The following SETX variants were observed in gnomAD, a reference collection of about 807,000 sequenced individuals.
SETX encodes helicase senataxin.
A neutral mutation model predicts 227.2 loss-of-function variants in SETX; 90 were observed. That is an observed-to-expected ratio of 0.40 (90% CI 0.33 to 0.47). The LOEUF (loss-of-function observed/expected upper bound fraction) is 0.47. Ranked by LOEUF, SETX falls within the 20% of genes least tolerant of loss-of-function variation. The probability of loss-of-function intolerance (pLI) is 0.91; values close to 1 mark genes in which losing one functional copy is unlikely to be tolerated. For missense variants in SETX, 3,052 were observed against 3,181.5 expected (o/e 0.96, Z 0.98); for synonymous variants, 1,210 against 1,113.2 (o/e 1.09, Z -1.73).
Position 132,298,291 on chromosome 9 carries a change from C to A in SETX, c.5570G>T (p.Cys1857Phe). 1 of 1,614,008 alleles carries A rather than the reference C, an allele frequency of 6.2e-7. No homozygotes were observed. The highest frequency in any genetic ancestry group is 8.5e-7 in the Non-Finnish European group (1 of 1,179,896). ...TSVMRNGKTE[C>F]YLSIQTQENF... ...CTCTTGAGTCTGGATGGAAAGGTAA[C>A]ACTCAGTTTTCCCATTACGCACTAT... The change falls in exon 13 of 26, where the codon TGT becomes TTT. Residue 1857 changes from cysteine to phenylalanine, a missense_variant. Transcript: ENST00000224140.
rs751594420 is a variant in SETX at position 132,329,017 on chromosome 9, T to G, written c.2581A>C (p.Asn861His). 5.0e-6 allele frequency: 8 copies of G among 1,607,228 alleles called. No homozygotes were observed. The East Asian group carries it at 1.8e-4, about 36-fold the overall frequency. ...DKNGEQKSQN[N>H]VLPKEKQLKN... ...AATTGTTTCTCTTTTGGCAATACAT[T>G]GTTTTGAGATTTTTGTTCTCCATTC... is the stretch of plus-strand genomic sequence containing the variant. Residue 861 changes from asparagine (N) to histidine (H), a missense_variant, in exon 10 of 26, where the codon AAT (asparagine) becomes CAT (histidine). Transcript: ENST00000224140.
rs751603620 is a variant in SETX at position 132,327,802 on chromosome 9, G to C, written c.3796C>G (p.Pro1266Ala). 1 of 1,614,048 alleles carries C rather than the reference G, an allele frequency of 6.2e-7. No individual in the cohort carries two copies. The highest frequency in any genetic ancestry group is 2.2e-5 in the East Asian group (1 of 44,894). ...AATTTCTTTGGCGGCACTATAGCAG[G>C]AGTTGTTCTACAACTTAGGTAATTT... ...SSNYLSCRTT[P>A]AIVPPKKFRQ... Residue 1266 changes from proline (P) to alanine (A), a missense_variant, in exon 10 of 26, where the codon CCT becomes GCT. By Grantham distance (27) the Pro-to-Ala change is conservative. Around this residue, in one of 10 missense-constraint regions of SETX, gnomAD observed 1,483 missense variants for 1,312.0 expected, o/e 1.13. Transcript: ENST00000224140.
intron 5 of SETX, among the ~76,000 whole-genome samples, chr9:132,338,215 C>T (rs1417679502): frequency 6.6e-6 from 1 of 151,818 alleles, no homozygotes; most frequent in Non-Finnish European, 1.5e-5. Flanking sequence ...CCTGAGCCTC[C>T]TAAGTAGCTG....
Position 132,328,988 on chromosome 9 carries a change from C to A in SETX, c.2610G>T (p.Lys870Asn). 6.2e-7 allele frequency: 1 copy of A among 1,606,404 alleles called. No homozygotes were observed. The highest frequency in any genetic ancestry group is 8.5e-7 in the Non-Finnish European group (1 of 1,177,438). The change falls in exon 10 of 26, where the codon AAG becomes AAT. Residue 870 changes from lysine (K) to asparagine (N), a missense_variant. Physicochemically the swap from Lys to Asn is moderately conservative, Grantham distance 94. Around this residue, in one of 10 missense-constraint regions of SETX, gnomAD observed 1,483 missense variants for 1,312.0 expected, o/e 1.13. Transcript: ENST00000224140. Reference sequence around the variant, plus strand: ...AAGAGAAAATAACTAATTCTTCATTCTTTAATTGTTTCTCTTTTGGCAATA... The same window carrying A: ...AAGAGAAAATAACTAATTCTTCATTATTTAATTGTTTCTCTTTTGGCAATA... ...NNVLPKEKQL[K>N]NEELVIFSFH...
chr9:132,326,823 A>C lies in SETX; in HGVS notation c.4775T>G (p.Leu1592Trp). Residue 1592 changes from leucine to tryptophan, a missense_variant, in exon 10 of 26, where the codon TTG (leucine) becomes TGG (tryptophan). Leu to Trp is a moderately conservative substitution (Grantham distance 61). This residue lies in a region of SETX where 1,483 missense variants were observed against 1,312.0 expected (regional missense o/e 1.13). Coordinates refer to ENST00000224140, the MANE Select transcript of SETX (RefSeq NM_015046.7). ...GCTAAAAATCTTAGTGGTAGGTCTCAAAGGTTTAGATGCAGGAGGAGGCAA... is the reference window on the plus strand; with the variant it reads ...GCTAAAAATCTTAGTGGTAGGTCTCCAAGGTTTAGATGCAGGAGGAGGCAA... ...PGLPPPASKP[L>W]RPTTKIFSSK... 6.2e-7 allele frequency: 1 copy of C among 1,614,218 alleles called. No individual in the cohort carries two copies. The highest frequency in any genetic ancestry group is 8.5e-7 in the Non-Finnish European group (1 of 1,180,020).
Position 132,300,625 on chromosome 9 carries a change from C to T in SETX, c.5548+5G>A. ...TTTCCTGTCAATGCCTCATTATTTA[C>T]TTACTGACTGACGTGCGGCGAAATT... On this transcript the variant is annotated splice_donor_5th_base_variant and intron_variant, in intron 12 of 25. Coordinates refer to ENST00000224140, the MANE Select transcript of SETX (RefSeq NM_015046.7). The T allele has an allele frequency of 6.2e-7, 1 of 1,613,340 alleles. No homozygotes were observed.
Position 132,335,139 on chromosome 9 carries a change from C to T in SETX, c.719-412G>A, listed in dbSNP as rs530493441. On this transcript the variant is annotated intron_variant, in intron 6 of 25. Transcript: ENST00000224140. ...GGCGTGGTGGCTCACACCTGTAATCCCAGCACTTTGGGAGGCCAAGGCGGG... is the reference window on the plus strand; with the variant it reads ...GGCGTGGTGGCTCACACCTGTAATCTCAGCACTTTGGGAGGCCAAGGCGGG... Among the ~76,000 whole-genome samples, 53 of 151,984 alleles carry T rather than the reference C, an allele frequency of 3.5e-4. No individual in the cohort carries two copies. In the South Asian group the frequency reaches 0.01, roughly 29 times the overall value.
At chr9:132,350,761 C>T (rs1301911756) in intron 2 of SETX, among the ~76,000 whole-genome samples, 2 of 152,094 alleles carry the variant, frequency 1.3e-5, no homozygotes, top group African/African-American at 4.8e-5. Flanking sequence ...TACATACACA[C>T]AAAAGGACAT....
At chr9:132,353,051 T>G (rs1408492308) in intron 2 of SETX, among the ~76,000 whole-genome samples, 2 of 152,188 alleles carry the variant, frequency 1.3e-5, no homozygotes, top group African/African-American at 4.8e-5. Context: ...CTATTTCTTC[T>G]TTGATCGCCA....
intron 8 of SETX, 53 bp downstream of exon 8, chr9:132,331,224 A>G: frequency 6.2e-7 from 1 of 1,610,702 alleles, no homozygotes; most frequent in South Asian, 1.1e-5. Context: ...ATCTAGCTGG[A>G]ACACACTTTC....
At chr9:132,267,290 G>A (rs1453682352) in intron 25 of SETX, among the ~76,000 whole-genome samples, 1 of 152,206 alleles carries the variant, frequency 6.6e-6, no homozygotes, top group Non-Finnish European at 1.5e-5. Flanking sequence ...CAGGCTCTGG[G>A]GGCTCAGTTC....
At chr9:132,314,371 G>A (rs1291385283) in intron 10 of SETX, among the ~76,000 whole-genome samples, 1 of 152,200 alleles carries the variant, frequency 6.6e-6, no homozygotes, top group Non-Finnish European at 1.5e-5. Flanking sequence ...TTACAGGCAT[G>A]AGCCACCGTG....
chr9:132,304,939 G>A (rs1234452148), intron 11 of SETX, among the ~76,000 whole-genome samples: 3 of 151,898 alleles, frequency 2.0e-5, no homozygotes, highest in Non-Finnish European at 4.4e-5. Context: ...GGGATGCAGT[G>A]AGCTGAGATC....
At position 132,278,242 on chromosome 9, in the gene SETX, C is replaced by T. The variant is rs780449068; in HGVS notation, c.6670G>A (p.Gly2224Ser). ...CGAGCCATCATTGACTGGTCGTAGCCATACTCCTGTGCTTTCTGTGAGGGG... is the reference window on the plus strand; with the variant it reads ...CGAGCCATCATTGACTGGTCGTAGCTATACTCCTGTGCTTTCTGTGAGGGG... ...TVISMKAQEY[G>S]YDQSMMARFC... The change falls in exon 21 of 26, where the codon GGC becomes AGC. Residue 2224 changes from glycine to serine, a missense_variant. By Grantham distance (56) the Gly-to-Ser change is moderately conservative (BLOSUM62 0). This residue lies in a region of SETX where 412 missense variants were observed against 589.0 expected (regional missense o/e 0.70). Coordinates refer to ENST00000224140, the MANE Select transcript of SETX (RefSeq NM_015046.7). 6.2e-7 allele frequency: 1 copy of T among 1,614,104 alleles called. No homozygotes were observed. Among genetic ancestry groups the T allele is most frequent in the Non-Finnish European group, 8.5e-7 (1 of 1,180,022 alleles).
intron 15 of SETX, among the ~76,000 whole-genome samples, chr9:132,289,257 C>G (rs985351302): frequency 6.6e-6 from 1 of 152,102 alleles, no homozygotes; most frequent in African/African-American, 2.4e-5. Context: ...CTAGTTAGGC[C>G]CACTCCCCAC....
At chr9:132,274,025 T>C (rs895343154) in intron 23 of SETX, among the ~76,000 whole-genome samples, 1 of 152,086 alleles carries the variant, frequency 6.6e-6, no homozygotes, top group African/African-American at 2.4e-5. Flanking sequence ...CTTTTTTTTG[T>C]ATCTACTGAG....
chr9:132,330,368 C>T lies in SETX; in HGVS notation c.1230G>A (p.Trp410Ter). 6.2e-7 allele frequency: 1 copy of T among 1,614,132 alleles called. No homozygotes were observed. The highest frequency in any genetic ancestry group is 8.5e-7 in the Non-Finnish European group (1 of 1,180,016). ...TGAGGGACTGGACAAAAGGGATGAA[C>T]CATAGAAATGTGCTGTTATGAACAC... ...DMRVHNSTFL[W>*]FIPFVQSLMD... Residue 410 changes from tryptophan to a stop codon, truncating the protein, a stop_gained, in exon 10 of 26, where the codon TGG becomes TGA. Coordinates refer to ENST00000224140, the MANE Select transcript of SETX (RefSeq NM_015046.7). LOFTEE classifies it high-confidence loss of function.
chr9:132,356,487 C>A (rs1047114345), upstream of SETX, among the ~76,000 whole-genome samples: 4 of 152,190 alleles, frequency 2.6e-5, no homozygotes, highest in Non-Finnish European at 5.9e-5. Context: ...CAAGCGTGAT[C>A]CACCGCACCC....
chr9:132,346,155 CTAATTA>C, intron 4 of SETX, 100 bp downstream of exon 4: 1 of 899,484 alleles, frequency 1.1e-6, no homozygotes, highest in Non-Finnish European at 1.8e-6. Context: ...ATTATATATC[CTAATTA>C]TATGTTTAGC....
Sources: allele counts gnomAD v4.1 joint callset (sites outside exome capture counted in the v4.1 genomes callset), GRCh38; gene constraint gnomAD v4.1.1; regional missense constraint gnomAD v4.1.1; transcripts MANE v1.5; gene names NCBI Gene and HGNC (gene_info 2026-07-23, HGNC 2026-07-21).